Variants in ZFYVE9 observed in about 807,000 individuals in gnomAD.
ZFYVE9 encodes zinc finger FYVE domain-containing protein 9.
ZFYVE9 carries 43 observed loss-of-function variants against 126.7 expected under a neutral mutation model. The ratio of observed to expected loss-of-function variants is 0.34; its 90% CI spans 0.27 to 0.44. ZFYVE9 has a LOEUF of 0.44. ZFYVE9 is among the 20% of genes least tolerant of loss of function. ZFYVE9 has a pLI of 1.00. For synonymous variants in ZFYVE9, 521 were observed against 597.4 expected (o/e 0.87, Z 1.87); for missense variants, 1,476 against 1,697.0 (o/e 0.87, Z 2.29).
chr1:52,320,970 G>A (rs982755708), intron 13 of ZFYVE9, among the ~76,000 whole-genome samples: 1 of 151,786 alleles, frequency 6.6e-6, no homozygotes, highest in African/African-American at 2.4e-5. Context: ...TTAACCTATC[G>A]AAGTCTCACA....
chr1:52,255,964 T>TTTTCTTTTCTTTTCTTTTCTTTTC (rs1553129446), intron 4 of ZFYVE9, among the ~76,000 whole-genome samples: 3 of 68,568 alleles, frequency 4.4e-5, no homozygotes, highest in African/African-American at 9.0e-5. Flanking sequence ...TTTTCTTTTC[T>TTTTCTTTTCTTTTCTTTTCTTTTC]TTTCTTTCTT....
intron 1 of ZFYVE9, among the ~76,000 whole-genome samples, chr1:52,173,597 C>T (rs550926788): frequency 9.9e-5 from 15 of 152,220 alleles, no homozygotes; most frequent in African/African-American, 3.6e-4. Flanking sequence ...CTCCTTGTAC[C>T]TCTGGTAGAA....
At chr1:52,229,825 C>T (rs1448705238) in intron 2 of ZFYVE9, among the ~76,000 whole-genome samples, 2 of 150,746 alleles carry the variant, frequency 1.3e-5, no homozygotes, top group Non-Finnish European at 2.9e-5. Context: ...GTAGAAAAAG[C>T]GGGTTCTTGT....
intron 1 of ZFYVE9, among the ~76,000 whole-genome samples, chr1:52,144,711 G>A (rs1457055837): frequency 6.6e-6 from 1 of 151,312 alleles, no homozygotes; most frequent in East Asian, 1.9e-4. Flanking sequence ...AAAGAAAAGT[G>A]ATATTTTGAG....
chr1:52,198,370 T>G (rs1644885143), intron 1 of ZFYVE9, among the ~76,000 whole-genome samples: 1 of 152,008 alleles, frequency 6.6e-6, no homozygotes, highest in African/African-American at 2.4e-5. Context: ...CGACCTCCCT[T>G]ACAGGCATGG....
chr1:52,197,337 T>C lies in ZFYVE9; in HGVS notation c.-142-19032T>C, dbSNP rs75888850. Among the ~76,000 whole-genome samples the C allele has an allele frequency of 7.5e-3, 1,135 of 152,248 alleles. 15 individuals carry two copies. Among genetic ancestry groups the C allele is most frequent in the African/African-American group, 0.026 (1,093 of 41,544 alleles). On this transcript the variant is annotated intron_variant, in intron 1 of 18. Coordinates refer to ENST00000287727, the MANE Select transcript of ZFYVE9 (RefSeq NM_004799.4). ...ACATTGATTAGTATGAAAATAGATG[T>C]ATGTGTTGAGATGTGTGTGGAGCAT...
chr1:52,326,740 G>A (rs1336095058), intron 13 of ZFYVE9, among the ~76,000 whole-genome samples: 1 of 148,836 alleles, frequency 6.7e-6, no homozygotes, highest in Non-Finnish European at 1.5e-5. Context: ...GCACATGCCT[G>A]TGCCTGTAAT....
At chr1:52,145,862 T>G (rs1644301354) in intron 1 of ZFYVE9, among the ~76,000 whole-genome samples, 1 of 152,180 alleles carries the variant, frequency 6.6e-6, no homozygotes, top group Non-Finnish European at 1.5e-5. Context: ...TAAATTAGTA[T>G]TCCCTTTATA....
At chr1:52,213,397 T>A (rs887053968) in intron 1 of ZFYVE9, among the ~76,000 whole-genome samples, 1 of 152,174 alleles carries the variant, frequency 6.6e-6, no homozygotes, top group Non-Finnish European at 1.5e-5. Context: ...ACGTCTGTAA[T>A]CCTAGCACTT....
intron 2 of ZFYVE9, among the ~76,000 whole-genome samples, chr1:52,219,822 G>A (rs1272379316): frequency 2.1e-5 from 3 of 139,756 alleles, no homozygotes; most frequent in South Asian, 2.4e-4. Context: ...TTACTCTGTC[G>A]CCCGGGCTGG....
chr1:52,235,861 A>G (rs149028766), intron 3 of ZFYVE9, among the ~76,000 whole-genome samples: 1 of 152,082 alleles, frequency 6.6e-6, no homozygotes, highest in East Asian at 1.9e-4. Flanking sequence ...TTATTTTTCT[A>G]CTCCTACATA....
At chr1:52,322,039 C>T (rs1456650420) in intron 13 of ZFYVE9, among the ~76,000 whole-genome samples, 4 of 152,322 alleles carry the variant, frequency 2.6e-5, no homozygotes, top group Non-Finnish European at 4.4e-5. Context: ...TTGACATCTC[C>T]ACTTGCATAC....
intron 1 of ZFYVE9, among the ~76,000 whole-genome samples, chr1:52,210,219 C>A (rs138716192): frequency 3.5e-4 from 54 of 152,130 alleles, no homozygotes; most frequent in Admixed American, 8.5e-4. Flanking sequence ...TAAGTTCCTG[C>A]GGTGCCAATA....
At chr1:52,187,841 T>C (rs1011980657) in intron 1 of ZFYVE9, among the ~76,000 whole-genome samples, 4 of 152,230 alleles carry the variant, frequency 2.6e-5, no homozygotes, top group South Asian at 2.1e-4. Context: ...GGAATTCTTA[T>C]ACACTGTTGG....
intron 18 of ZFYVE9, 60 bp from the exon 19 acceptor site, chr1:52,346,000 C>T: frequency 1.4e-6 from 2 of 1,453,990 alleles, no homozygotes; most frequent in African/African-American, 1.4e-5. Flanking sequence ...TCCTTGCCCT[C>T]AGCCCTGGAG....
intron 13 of ZFYVE9, among the ~76,000 whole-genome samples, chr1:52,310,539 T>TA (rs1036025414): frequency 1.3e-5 from 2 of 152,096 alleles, no homozygotes; most frequent in Admixed American, 1.3e-4. Flanking sequence ...CCCCATCTCT[T>TA]AAAAAAGCAA....
chr1:52,180,022 T>A (rs1644682826), intron 1 of ZFYVE9: 4 of 855,056 alleles, frequency 4.7e-6, no homozygotes, highest in Non-Finnish European at 8.2e-6. Flanking sequence ...GAAGACAAGT[T>A]TAATGAGGAG....
At chr1:52,228,519 A>G (rs575039150) in intron 2 of ZFYVE9, among the ~76,000 whole-genome samples, 49 of 152,304 alleles carry the variant, frequency 3.2e-4, no homozygotes, top group Non-Finnish European at 6.3e-4. Flanking sequence ...TAGAGTTATC[A>G]GTTTTTACCA....
At chr1:52,274,701 A>G (rs1645728672) in intron 8 of ZFYVE9, 117 bp downstream of exon 8, 1 of 1,121,070 alleles carries the variant, frequency 8.9e-7, no homozygotes, top group Non-Finnish European at 1.2e-6. Flanking sequence ...AACAAAACAA[A>G]CTCCCCCAAA....
Sources: gnomAD v4.1 joint callset for allele counts (sites outside exome capture counted in the v4.1 genomes callset) on GRCh38, gnomAD v4.1.1 for gene constraint, MANE v1.5 for transcripts, NCBI Gene and HGNC (gene_info 2026-07-23, HGNC 2026-07-21) for gene names.